Variants in ADCY1 observed in about 807,000 individuals in gnomAD.
ADCY1 encodes the protein adenylate cyclase 1, also known as adenylate cyclase type 1.
A neutral mutation model predicts 105.4 loss-of-function variants in ADCY1; 28 were observed. The observed-to-expected ratio is 0.27, with a 90% CI of 0.20 to 0.36. The LOEUF is 0.36. Ranked by LOEUF, ADCY1 falls within the 10% of genes least tolerant of loss-of-function variation. The pLI, the probability that ADCY1 is intolerant of heterozygous loss-of-function variation, is 1.00. For missense variants in ADCY1, 977 were observed against 1,434.2 expected (o/e 0.68, Z 5.15); for synonymous variants, 655 against 623.8 (o/e 1.05, Z -0.75).
intron 1 of ADCY1, among the ~76,000 whole-genome samples, chr7:45,587,185 A>C (rs1250009360): frequency 6.6e-6 from 1 of 151,940 alleles, no homozygotes; most frequent in African/African-American, 2.4e-5. Flanking sequence ...AAAGGAGGGA[A>C]ACCCCTCTGG....
intron 14 of ADCY1, among the ~76,000 whole-genome samples, chr7:45,699,439 A>G (rs1584340576): frequency 6.6e-6 from 1 of 152,260 alleles, no homozygotes; most frequent in East Asian, 1.9e-4. Flanking sequence ...CTGCTCAAGG[A>G]GATTAGGTAG....
At chr7:45,630,039 T>G (rs1794193301) in intron 4 of ADCY1, among the ~76,000 whole-genome samples, 1 of 152,244 alleles carries the variant, frequency 6.6e-6, no homozygotes, top group African/African-American at 2.4e-5. Context: ...TGAGCATCTT[T>G]TCATTGCTTA....
At chr7:45,590,425 C>T (rs892183865) in intron 1 of ADCY1, among the ~76,000 whole-genome samples, 9 of 152,176 alleles carry the variant, frequency 5.9e-5, no homozygotes, top group East Asian at 3.9e-4. Context: ...CAGGCTCCTC[C>T]GCAGGCCTTG....
chr7:45,646,459 C>T (rs1794666523), intron 4 of ADCY1, among the ~76,000 whole-genome samples: 1 of 152,226 alleles, frequency 6.6e-6, no homozygotes, highest in South Asian at 2.1e-4. Context: ...TTTCTGTGAG[C>T]ACTGACTGTG....
intron 2 of ADCY1, among the ~76,000 whole-genome samples, chr7:45,601,844 G>A (rs917250290): frequency 6.6e-5 from 10 of 152,146 alleles, no homozygotes; most frequent in East Asian, 1.9e-4. Context: ...GGTGCCAGGA[G>A]AAGGGAAGGG....
chr7:45,693,585 G>T (rs1412194220), intron 14 of ADCY1, among the ~76,000 whole-genome samples: 2 of 151,412 alleles, frequency 1.3e-5, no homozygotes, highest in African/African-American at 2.4e-5. Context: ...GTCAAGGAAT[G>T]TATCCATTTC....
chr7:45,670,028 G>T (rs2471262), intron 8 of ADCY1, among the ~76,000 whole-genome samples: 152,361 of 152,370 alleles, frequency 1, 76,176 homozygotes, highest in Non-Finnish European at 1. Flanking sequence ...GTGATCCATT[G>T]GAGTTAGCTT....
At position 45,708,477 on chromosome 7, in the gene ADCY1, A is replaced by G; in HGVS notation, c.2932+13A>G. 6.3e-7 allele frequency: 1 copy of G among 1,588,278 alleles called. No individual in the cohort carries two copies. Among genetic ancestry groups the G allele is most frequent in the African/African-American group, 1.3e-5 (1 of 74,512 alleles). ...GTCCTCCGAGTTGGTATGTGGCTCT[A>G]AACCTATCCTGTCCATCCATGTGGA... On this transcript the variant is annotated intron_variant, in intron 18 of 19. Coordinates refer to ENST00000297323, the MANE Select transcript of ADCY1 (RefSeq NM_021116.4). The surrounding 1 kb of genome is among the most constrained non-coding windows in gnomAD (Gnocchi z 4.7).
intron 5 of ADCY1, among the ~76,000 whole-genome samples, chr7:45,656,543 G>A (rs2116097643): frequency 6.6e-6 from 1 of 152,304 alleles, no homozygotes; most frequent in Non-Finnish European, 1.5e-5. Context: ...AGGATGAAGT[G>A]GGTAGTGATG....
At position 45,722,983 on chromosome 7, in the gene ADCY1, T is replaced by TA. The variant is rs1321203577; in HGVS notation, c.*8995dup. 6.6e-6 allele frequency: 1 copy of TA among 152,604 alleles called. No homozygotes were observed. The highest frequency in any genetic ancestry group is 1.5e-5 in the Non-Finnish European group (1 of 68,030). The allele number at this position is 152,604 out of a possible 1,614,324, so 9.5% of individuals were successfully genotyped here. ...TGAATAATTTGTCCTATTTTTATTT[T>TA]AAAAAAAGTGAATGGACTGAAATGT... On this transcript the variant is annotated 3_prime_UTR_variant, in exon 20 of 20. Transcript: ENST00000297323.
At chr7:45,679,680 C>T (rs763470473) in intron 10 of ADCY1, 29 bp from the exon 11 acceptor site, 1 of 1,612,472 alleles carries the variant, frequency 6.2e-7, no homozygotes, top group Non-Finnish European at 8.5e-7. Flanking sequence ...CCCCACCTAT[C>T]AGTGACTCTC....
In ADCY1 at chr7:45,703,840, C is replaced by T. The variant is rs77265241; in HGVS notation, c.2718+94C>T. ...GTGTCTCACAATATGTCACATTCTT[C>T]GTAGCTGGAATGAGAGAAAGCAAAT... On this transcript the variant is annotated intron_variant, in intron 16 of 19. Transcript: ENST00000297323. This position sits in a 1 kb window ranked among gnomAD's most constrained non-coding sequence, Gnocchi z 5.9. The T allele has an allele frequency of 0.012, 16,807 of 1,456,178 alleles. 130 individuals are homozygous for T. The highest frequency in any genetic ancestry group is 0.014 in the Non-Finnish European group (14,704 of 1,087,400). 90.2% of individuals were successfully genotyped at this position (1,456,178 alleles called of 1,614,324 possible).
At position 45,685,097 on chromosome 7, in the gene ADCY1, T is replaced by C. The variant is rs2461106; in HGVS notation, c.2073+29T>C. 0.18 allele frequency: 284,478 copies of C among 1,596,310 alleles called. 28,703 individuals are homozygous for C. Among genetic ancestry groups the C allele is most frequent in the South Asian group, 0.33 (29,556 of 90,664 alleles). On this transcript the variant is annotated intron_variant, in intron 12 of 19. Coordinates refer to ENST00000297323, the MANE Select transcript of ADCY1 (RefSeq NM_021116.4). ...AGCATCTCCAGCTTGTGGCATGCGC[T>C]GGGGCGGGAGAGGGCATGGCATGGA...
chr7:45,638,839 C>T (rs1259306741), intron 4 of ADCY1, among the ~76,000 whole-genome samples: 2 of 152,248 alleles, frequency 1.3e-5, no homozygotes, highest in Admixed American at 1.3e-4. Context: ...GTCGTGGCTG[C>T]CAGATGTCCA....
intron 11 of ADCY1, chr7:45,680,524 T>C (rs1274073416): frequency 6.6e-6 from 1 of 152,246 alleles, no homozygotes; most frequent in African/African-American, 2.4e-5. Flanking sequence ...CAGTGTTATA[T>C]TTGCATAATT....
chr7:45,592,633 C>T (rs1000438287), intron 1 of ADCY1, 126 bp from the exon 2 acceptor site: 9 of 1,308,762 alleles, frequency 6.9e-6, no homozygotes, highest in Admixed American at 1.9e-5. Context: ...CCTGGCCCTG[C>T]GCTGTGGGTT....
chr7:45,624,853 T>C (rs1362106310), intron 4 of ADCY1, among the ~76,000 whole-genome samples: 2 of 152,202 alleles, frequency 1.3e-5, no homozygotes, highest in African/African-American at 4.8e-5. Flanking sequence ...CTCACCGTGC[T>C]TGGAGCTGAT....
intron 14 of ADCY1, among the ~76,000 whole-genome samples, chr7:45,696,930 C>A (rs568079926): frequency 2.0e-5 from 3 of 152,108 alleles, no homozygotes. Context: ...GTTGTTTGCT[C>A]CTCAGAAAGG....
intron 4 of ADCY1, among the ~76,000 whole-genome samples, chr7:45,632,897 TC>T (rs1794297902): frequency 6.6e-6 from 1 of 152,110 alleles, no homozygotes; most frequent in Admixed American, 6.5e-5. Context: ...ATATATTTTA[TC>T]AGATTTATTC....
Sources: allele counts gnomAD v4.1 joint callset (sites outside exome capture counted in the v4.1 genomes callset), GRCh38; gene constraint gnomAD v4.1.1; non-coding constraint Gnocchi (gnomAD v3.1); transcripts MANE v1.5; gene names NCBI Gene and HGNC (gene_info 2026-07-23, HGNC 2026-07-21).